KCNQ1OT1: variants seen among roughly 807,000 people sequenced by gnomAD.
KCNQ1OT1 encodes the protein KCNQ1 opposite strand/antisense transcript 1.
exon 1 of KCNQ1OT1, chr11:2,630,715 C>A (rs563649698): frequency 2.5e-6 from 1 of 398,388 alleles, no homozygotes; most frequent in East Asian, 3.6e-5. Flanking sequence ...TAATTATCAT[C>A]CTTCCATTTA....
In KCNQ1OT1 at chr11:2,682,585, A is replaced by C. The variant is rs1850417642; in HGVS notation, n.17410T>G. 1 of 398,600 alleles carries C rather than the reference A, an allele frequency of 2.5e-6. No individual in the cohort carries two copies. Among genetic ancestry groups the C allele is most frequent in the Non-Finnish European group, 4.4e-6 (1 of 226,094 alleles). The allele number at this position is 398,600 out of a possible 1,614,324, so 24.7% of individuals were successfully genotyped here. A position where few individuals can be genotyped will look rare whatever the true frequency, so the allele number is the denominator to read the frequency against. ...GCTATGCTGGGGTTCAGGCAACCCA[A>C]GGCTGGTCTGGAGAGTGTAAGGCTT... On this transcript the variant is annotated non_coding_transcript_exon_variant, in exon 1 of 1. Transcript: ENST00000597346. This position sits in a 1 kb window ranked among gnomAD's most constrained non-coding sequence, Gnocchi z 5.8.
chr11:2,666,988 G>T, exon 1 of KCNQ1OT1: 1 of 398,752 alleles, frequency 2.5e-6, no homozygotes, highest in Non-Finnish European at 4.4e-6. Context: ...CGGGAGGGCT[G>T]TACAGGGCTG....
At chr11:2,666,264 C>T (rs917299906) in exon 1 of KCNQ1OT1, 59 of 398,534 alleles carry the variant, frequency 1.5e-4, no homozygotes, top group East Asian at 1.0e-3. Flanking sequence ...CCAGGACCCC[C>T]GAGGCTGGGC....
At position 2,664,544 on chromosome 11, in the gene KCNQ1OT1, G is replaced by T; in HGVS notation, n.35451C>A. The T allele has an allele frequency of 2.5e-6, 1 of 398,764 alleles. No homozygotes were observed. Among genetic ancestry groups the T allele is most frequent in the Non-Finnish European group, 4.4e-6 (1 of 226,174 alleles). The allele number at this position is 398,764 out of a possible 1,614,324, so 24.7% of individuals were successfully genotyped here. ...CAGGGCCCAAACCGCCTGGCGGCAG[G>T]GGTGTGGGGGCCGTGCAGGTCTTCT... On this transcript the variant is annotated non_coding_transcript_exon_variant, in exon 1 of 1. Transcript: ENST00000597346. The surrounding 1 kb of genome is among the most constrained non-coding windows in gnomAD (Gnocchi z 5.1).
Position 2,698,854 on chromosome 11 carries a change from A to G in KCNQ1OT1, n.1141T>C, listed in dbSNP as rs1419938872. On this transcript the variant is annotated non_coding_transcript_exon_variant, in exon 1 of 1. Coordinates refer to ENST00000597346, the Ensembl canonical transcript of KCNQ1OT1. The surrounding 1 kb of genome is among the most constrained non-coding windows in gnomAD (Gnocchi z 5.1). ...CCTAAAACCACCATGCGGACTCCAG[A>G]CCCGGACTGACTGGGACCCCAACTA... 1.3e-5 allele frequency: 5 copies of G among 398,670 alleles called. No homozygotes were observed. Among genetic ancestry groups the G allele is most frequent in the Admixed American group, 4.4e-5 (1 of 22,712 alleles). The allele number at this position is 398,670 out of a possible 1,614,324, so 24.7% of individuals were successfully genotyped here. A position where few individuals can be genotyped will look rare whatever the true frequency, so the allele number is the denominator to read the frequency against.
Position 2,651,029 on chromosome 11 carries a change from T to A in KCNQ1OT1, n.48966A>T, listed in dbSNP as rs1022318743. 2.5e-6 allele frequency: 1 copy of A among 398,676 alleles called. No individual in the cohort carries two copies. The highest frequency in any genetic ancestry group is 2.1e-5 in the African/African-American group (1 of 48,654). The allele number at this position is 398,676 out of a possible 1,614,324, so 24.7% of individuals were successfully genotyped here. A position where few individuals can be genotyped will look rare whatever the true frequency, so the allele number is the denominator to read the frequency against. ...CTAGTCTCTCCAGCTATCTCCCTGG[T>A]TAAAACCACCACCATTTCTCTGCCT... On this transcript the variant is annotated non_coding_transcript_exon_variant, in exon 1 of 1. Coordinates refer to ENST00000597346, the Ensembl canonical transcript of KCNQ1OT1. The surrounding 1 kb of genome is among the most constrained non-coding windows in gnomAD (Gnocchi z 6.1).
Position 2,659,970 on chromosome 11 carries a change from T to C in KCNQ1OT1, n.40025A>G. The C allele has an allele frequency of 2.5e-6, 1 of 398,414 alleles. No individual in the cohort carries two copies. The highest frequency in any genetic ancestry group is 4.4e-6 in the Non-Finnish European group (1 of 225,968). 24.7% of individuals were successfully genotyped at this position (398,414 alleles called of 1,614,324 possible). A position where few individuals can be genotyped will look rare whatever the true frequency, so the allele number is the denominator to read the frequency against. On this transcript the variant is annotated non_coding_transcript_exon_variant, in exon 1 of 1. Transcript: ENST00000597346. This position sits in a 1 kb window ranked among gnomAD's most constrained non-coding sequence, Gnocchi z 4.3. ...TGACCTGATAGGTGATATGCAAATA[T>C]TCTTTCCAAGTCTGTGCTTTGTCTT...
chr11:2,668,767 G>A lies in KCNQ1OT1; in HGVS notation n.31228C>T. The A allele has an allele frequency of 2.5e-6, 1 of 398,586 alleles. No individual in the cohort carries two copies. Among genetic ancestry groups the A allele is most frequent in the East Asian group, 3.6e-5 (1 of 28,072 alleles). The allele number at this position is 398,586 out of a possible 1,614,324, so 24.7% of individuals were successfully genotyped here. A position where few individuals can be genotyped will look rare whatever the true frequency, so the allele number is the denominator to read the frequency against. On this transcript the variant is annotated non_coding_transcript_exon_variant, in exon 1 of 1. Coordinates refer to ENST00000597346, the Ensembl canonical transcript of KCNQ1OT1. This position sits in a 1 kb window ranked among gnomAD's most constrained non-coding sequence, Gnocchi z 4.3. ...CTGCAGGCTGCCTTCTTCCTCTCTTGATGGTGTCTTTTGATGAACAGAAGG... is the reference window on the plus strand; with the variant it reads ...CTGCAGGCTGCCTTCTTCCTCTCTTAATGGTGTCTTTTGATGAACAGAAGG...
chr11:2,699,804 G>A (rs2133903376), exon 1 of KCNQ1OT1: 1 of 397,592 alleles, frequency 2.5e-6, no homozygotes, highest in African/African-American at 2.1e-5. Context: ...GGGCGCGCCG[G>A]GGAGAACCAC....
rs963276462 is a variant in KCNQ1OT1, at chr11:2,608,689, C to A, written n.91306G>T. ...TTGTTGTGCATGCTATTCTTGAACT[C>A]CTGGCCACAAGCAATTCTCGAACTC... is the stretch of plus-strand genomic sequence containing the variant. On this transcript the variant is annotated non_coding_transcript_exon_variant, in exon 1 of 1. Coordinates refer to ENST00000597346, the Ensembl canonical transcript of KCNQ1OT1. This position sits in a 1 kb window ranked among gnomAD's most constrained non-coding sequence, Gnocchi z 4.6. The A allele has an allele frequency of 1.0e-5, 4 of 380,972 alleles. No homozygotes were observed. The highest frequency in any genetic ancestry group is 1.8e-5 in the Non-Finnish European group (4 of 225,692). The allele number at this position is 380,972 out of a possible 1,614,324, so 23.6% of individuals were successfully genotyped here. A position where few individuals can be genotyped will look rare whatever the true frequency, so the allele number is the denominator to read the frequency against.
chr11:2,682,801 G>T lies in KCNQ1OT1; in HGVS notation n.17194C>A. ...AAATCTGGGCACCATGAAATGCAGT[G>T]ACTTGCAGTGATCCTCCTGGGGCCT... On this transcript the variant is annotated non_coding_transcript_exon_variant, in exon 1 of 1. Transcript: ENST00000597346. The surrounding 1 kb of genome is among the most constrained non-coding windows in gnomAD (Gnocchi z 5.8). 1 of 398,616 alleles carries T rather than the reference G, an allele frequency of 2.5e-6. No homozygotes were observed. Among genetic ancestry groups the T allele is most frequent in the South Asian group, 1.3e-4 (1 of 7,844 alleles). 24.7% of individuals were successfully genotyped at this position (398,616 alleles called of 1,614,324 possible).
In KCNQ1OT1 at chr11:2,623,146, G is replaced by A; in HGVS notation, n.76849C>T. On this transcript the variant is annotated non_coding_transcript_exon_variant, in exon 1 of 1. Coordinates refer to ENST00000597346, the Ensembl canonical transcript of KCNQ1OT1. The surrounding 1 kb of genome is among the most constrained non-coding windows in gnomAD (Gnocchi z 5.2). ...CCATCTCACTTTCTTTCCCTCTCCT[G>A]TTCTGCCATGGTAAAGATGTGCCTG... is the stretch of plus-strand genomic sequence containing the variant. 2 of 398,606 alleles carry A rather than the reference G, an allele frequency of 5.0e-6. No homozygotes were observed. Among genetic ancestry groups the A allele is most frequent in the East Asian group, 3.6e-5 (1 of 28,070 alleles). The allele number at this position is 398,606 out of a possible 1,614,324, so 24.7% of individuals were successfully genotyped here.
At chr11:2,614,989 G>A (rs899069806) in exon 1 of KCNQ1OT1, 19 of 398,180 alleles carry the variant, frequency 4.8e-5, no homozygotes, top group Non-Finnish European at 7.5e-5. Flanking sequence ...GGGTAATATC[G>A]CCAACTTAAC....
exon 1 of KCNQ1OT1, chr11:2,697,615 C>G (rs1348523555): frequency 5.0e-6 from 2 of 398,410 alleles, no homozygotes; most frequent in Non-Finnish European, 8.8e-6. Context: ...TTTTTTCTGC[C>G]TCTATTGAGG....
exon 1 of KCNQ1OT1, chr11:2,610,050 A>G (rs149277051): frequency 1.1e-3 from 431 of 397,786 alleles, no homozygotes; most frequent in African/African-American, 7.9e-3. Flanking sequence ...CCACAGTTTT[A>G]CTTTTGGTCT....
chr11:2,685,557 C>T (rs948714442), exon 1 of KCNQ1OT1: 33 of 398,710 alleles, frequency 8.3e-5, no homozygotes, highest in African/African-American at 6.8e-4. Flanking sequence ...CAGATGACTA[C>T]AGCTCTTGGC....
In KCNQ1OT1 at chr11:2,652,251, T is replaced by C. The variant is rs1292669386; in HGVS notation, n.47744A>G. On this transcript the variant is annotated non_coding_transcript_exon_variant, in exon 1 of 1. Coordinates refer to ENST00000597346, the Ensembl canonical transcript of KCNQ1OT1. The surrounding 1 kb of genome is among the most constrained non-coding windows in gnomAD (Gnocchi z 5.9). ...ATGAGGCCTGCAACTCATTTCCCCA[T>C]TAAACATTCTGAGAACATCTGCACC... The C allele has an allele frequency of 7.5e-6, 3 of 398,524 alleles. No homozygotes were observed. Among genetic ancestry groups the C allele is most frequent in the Non-Finnish European group, 1.3e-5 (3 of 226,072 alleles). 24.7% of individuals were successfully genotyped at this position (398,524 alleles called of 1,614,324 possible).
rs1283865856 is a variant in KCNQ1OT1, at chr11:2,676,117, GCTC to G, written n.23875_23877del. 1.0e-5 allele frequency: 4 copies of G among 398,404 alleles called. No individual in the cohort carries two copies. Among genetic ancestry groups the G allele is most frequent in the Middle Eastern group, 1.2e-3 (2 of 1,610 alleles). The allele number at this position is 398,404 out of a possible 1,614,324, so 24.7% of individuals were successfully genotyped here. ...TGTGTGCATGTACTTAGTAGATACGGCTCCTTTTTATACAAATGGTAGCATACT... is the reference window on the plus strand; with the variant it reads ...TGTGTGCATGTACTTAGTAGATACGGCTTTTTATACAAATGGTAGCATACT... On this transcript the variant is annotated non_coding_transcript_exon_variant, in exon 1 of 1. Transcript: ENST00000597346. The surrounding 1 kb of genome is among the most constrained non-coding windows in gnomAD (Gnocchi z 4.2).
rs142149904 is a variant in KCNQ1OT1, at chr11:2,608,383, T to A, written n.91612A>T. 3.9e-3 allele frequency: 1,545 copies of A among 398,658 alleles called. 24 individuals carry two copies. The highest frequency in any genetic ancestry group is 0.028 in the African/African-American group (1,350 of 48,764). The allele number at this position is 398,658 out of a possible 1,614,324, so 24.7% of individuals were successfully genotyped here. On this transcript the variant is annotated non_coding_transcript_exon_variant, in exon 1 of 1. Coordinates refer to ENST00000597346, the Ensembl canonical transcript of KCNQ1OT1. This position sits in a 1 kb window ranked among gnomAD's most constrained non-coding sequence, Gnocchi z 4.6. ...GGAATTTGTCAATTTCATCTAAGTTTTATAATTTATTGGCACAAAATTGTT... is the reference window on the plus strand; with the variant it reads ...GGAATTTGTCAATTTCATCTAAGTTATATAATTTATTGGCACAAAATTGTT...
Sources: allele counts gnomAD v4.1 joint callset, GRCh38; gene constraint gnomAD v4.1.1; non-coding constraint Gnocchi (gnomAD v3.1); transcripts MANE v1.5; gene names NCBI Gene and HGNC (gene_info 2026-07-23, HGNC 2026-07-21).